CCDC117: variants seen among roughly 807,000 people sequenced by gnomAD.
The protein encoded by CCDC117 is coiled-coil domain containing 117, also known as coiled-coil domain-containing protein 117.
A neutral mutation model predicts 23.5 loss-of-function variants in CCDC117; 1 was observed. The observed-to-expected ratio is 0.04, with a 90% CI of 0.02 to 0.20. The LOEUF (loss-of-function observed/expected upper bound fraction) is 0.20, where lower values mean the gene tolerates loss of function less well. Ranked by LOEUF, CCDC117 falls within the 10% of genes least tolerant of loss-of-function variation. The pLI is 1.00. For synonymous variants in CCDC117, 132 were observed against 124.8 expected (o/e 1.06, Z -0.39); for missense variants, 383 against 348.2 (o/e 1.10, Z -0.80).
chr22:28,773,836 T>C (rs1010560099), intron 2 of CCDC117, 58 bp downstream of exon 2: 13 of 1,296,182 alleles, frequency 1.0e-5, no homozygotes, highest in African/African-American at 7.3e-5. Flanking sequence ...ACCCCTGTTA[T>C]AGTCTAAATT....
chr22:28,773,062 A>C, intron 1 of CCDC117, 28 bp downstream of exon 1: 3 of 597,768 alleles, frequency 5.0e-6, no homozygotes, highest in Non-Finnish European at 2.2e-6. Flanking sequence ...CGCAGGGCGC[A>C]GGGCGGGCGG....
At chr22:28,783,334 C>A (rs1388147220) in intron 3 of CCDC117, among the ~76,000 whole-genome samples, 174 bp from the exon 4 acceptor site, 4 of 152,160 alleles carry the variant, frequency 2.6e-5, no homozygotes, top group Non-Finnish European at 5.9e-5. Flanking sequence ...AGCCACCACA[C>A]CCGGCCTGAG....
chr22:28,773,064 GGCGGGCGGGC>G (rs2031040178), intron 1 of CCDC117, 30 bp downstream of exon 1: 1 of 449,274 alleles, frequency 2.2e-6, no homozygotes, highest in Non-Finnish European at 2.5e-6. Flanking sequence ...CAGGGCGCAG[GGCGGGCGGGC>G]GGGCGGGCAG....
At chr22:28,778,289 A>G (rs142648753) in intron 2 of CCDC117, among the ~76,000 whole-genome samples, 107 of 152,228 alleles carry the variant, frequency 7.0e-4, no homozygotes, top group Non-Finnish European at 1.1e-3. Flanking sequence ...TTCATAAAAC[A>G]TTAAATTTGA....
chr22:28,780,979 G>T lies in CCDC117; in HGVS notation c.271G>T (p.Ala91Ser). ...AGTAAGAAAGAAAAGGATAACTGAA[G>T]CAGAGCTCTGTGCTGGTCCTAATGA... ...CPVRKKRITE[A>S]ELCAGPNDWI... Residue 91 changes from alanine to serine, a missense_variant, in exon 3 of 5, where the codon GCA becomes TCA. Coordinates refer to ENST00000249064, the MANE Select transcript of CCDC117 (RefSeq NM_173510.4). The T allele has an allele frequency of 6.2e-7, 1 of 1,613,802 alleles. No homozygotes were observed. Among genetic ancestry groups the T allele is most frequent in the Non-Finnish European group, 8.5e-7 (1 of 1,179,796 alleles).
chr22:28,780,498 C>G (rs1758165867), intron 2 of CCDC117, among the ~76,000 whole-genome samples: 1 of 152,074 alleles, frequency 6.6e-6, no homozygotes, highest in Non-Finnish European at 1.5e-5. Context: ...TTCATTCATT[C>G]ATTCATGGTT....
chr22:28,772,814 C>G lies in CCDC117; in HGVS notation c.-36C>G, dbSNP rs549909150. The G allele has an allele frequency of 5.7e-6, 7 of 1,219,456 alleles. No individual in the cohort carries two copies. Among genetic ancestry groups the G allele is most frequent in the Non-Finnish European group, 7.1e-6 (7 of 979,560 alleles). The allele number at this position is 1,219,456 out of a possible 1,614,324, so 75.5% of individuals were successfully genotyped here. On this transcript the variant is annotated 5_prime_UTR_variant, in exon 1 of 5. Coordinates refer to ENST00000249064, the MANE Select transcript of CCDC117 (RefSeq NM_173510.4). ...TGCCGGGCCTGGGGACGCGGGCGGC[C>G]GAGGCCGCCGTCGCAGCCTCCTCGT...
chr22:28,782,563 T>G (rs1445974757), intron 3 of CCDC117, among the ~76,000 whole-genome samples: 1 of 152,120 alleles, frequency 6.6e-6, no homozygotes, highest in Non-Finnish European at 1.5e-5. Flanking sequence ...CTCAATCTCC[T>G]GAGTAGCTGG....
In CCDC117 at chr22:28,776,831, G is replaced by A. The variant is rs528669307; in HGVS notation, c.239+3053G>A. ...ACTTCCGACTTCGGATGATCCTCTC[G>A]CCTTGGCCTCCCAAAGTGCTGGGAT... On this transcript the variant is annotated intron_variant, in intron 2 of 4. Coordinates refer to ENST00000249064, the MANE Select transcript of CCDC117 (RefSeq NM_173510.4). Among the ~76,000 whole-genome samples the A allele has an allele frequency of 9.9e-5, 15 of 152,208 alleles. 1 individual carries two copies. In the South Asian group the frequency reaches 1.2e-3, roughly 13 times the overall value.
chr22:28,785,052 GA>G (rs2031469052), intron 4 of CCDC117, among the ~76,000 whole-genome samples: 1 of 152,162 alleles, frequency 6.6e-6, no homozygotes, highest in Non-Finnish European at 1.5e-5. Context: ...TTACAGGCGT[GA>G]GCCACCGCGC....
rs2031575116 is a variant in CCDC117 at position 28,788,266 on chromosome 22, G to A, written c.*1940G>A. 1 of 152,542 alleles carries A rather than the reference G, an allele frequency of 6.6e-6. No individual in the cohort carries two copies. The highest frequency in any genetic ancestry group is 1.5e-5 in the Non-Finnish European group (1 of 68,024). 9.4% of individuals were successfully genotyped at this position (152,542 alleles called of 1,614,324 possible). ...TCTGCCTTGTAGTCATTGTTTGATG[G>A]GACCAACTTGTAAAGTATGAGCCTT... is the stretch of plus-strand genomic sequence containing the variant. On this transcript the variant is annotated 3_prime_UTR_variant, in exon 5 of 5. Coordinates refer to ENST00000249064, the MANE Select transcript of CCDC117 (RefSeq NM_173510.4).
At chr22:28,779,835 G>A (rs5997402) in intron 2 of CCDC117, among the ~76,000 whole-genome samples, 60 of 152,284 alleles carry the variant, frequency 3.9e-4, no homozygotes, top group African/African-American at 1.4e-3. Flanking sequence ...CTGTATTCTG[G>A]CCTTGAGACT....
At chr22:28,785,162 G>T (rs1054549810) in intron 4 of CCDC117, among the ~76,000 whole-genome samples, 4 of 148,634 alleles carry the variant, frequency 2.7e-5, no homozygotes, top group Non-Finnish European at 5.9e-5. Flanking sequence ...TAGTCATTTT[G>T]CCTTAACCAT....
Position 28,786,114 on chromosome 22 carries a change from C to T in CCDC117, c.628C>T (p.Leu210Phe). 2 of 1,612,722 alleles carry T rather than the reference C, an allele frequency of 1.2e-6. No individual in the cohort carries two copies. The highest frequency in any genetic ancestry group is 1.7e-6 in the Non-Finnish European group (2 of 1,179,658). The change falls in exon 5 of 5, where the codon CTC (leucine) becomes TTC (phenylalanine). Residue 210 changes from leucine (L) to phenylalanine (F), a missense_variant. By Grantham distance (22) the Leu-to-Phe change is conservative. Coordinates refer to ENST00000249064, the MANE Select transcript of CCDC117 (RefSeq NM_173510.4). ...GAGCCGTCCTTCCATGGAGCTTGTTCTCTGGAAACCCCTCCCTGAACTCCT... is the reference window on the plus strand; with the variant it reads ...GAGCCGTCCTTCCATGGAGCTTGTTTTCTGGAAACCCCTCCCTGAACTCCT... ...SMSRPSMELV[L>F]WKPLPELLSD...
intron 2 of CCDC117, among the ~76,000 whole-genome samples, chr22:28,780,560 A>C (rs1457490088): frequency 6.6e-6 from 1 of 152,160 alleles, no homozygotes; most frequent in Non-Finnish European, 1.5e-5. Context: ...TCTGGGCTCA[A>C]GTGATCTTCC....
intron 4 of CCDC117, among the ~76,000 whole-genome samples, chr22:28,784,325 T>C (rs964604490): frequency 6.6e-6 from 1 of 152,200 alleles, no homozygotes; most frequent in Non-Finnish European, 1.5e-5. Flanking sequence ...CTGGGGCCCC[T>C]GAGTAATGAT....
At position 28,776,109 on chromosome 22, in the gene CCDC117, A is replaced by G. The variant is rs181628874; in HGVS notation, c.239+2331A>G. Among the ~76,000 whole-genome samples the G allele has an allele frequency of 1.3e-3, 201 of 152,264 alleles. 1 individual carries two copies. Among genetic ancestry groups the G allele is most frequent in the African/African-American group, 4.6e-3 (191 of 41,558 alleles). On this transcript the variant is annotated intron_variant, in intron 2 of 4. Coordinates refer to ENST00000249064, the MANE Select transcript of CCDC117 (RefSeq NM_173510.4). ...ACCATTAGGATCATTAGGCATCCAC[A>G]TTAAAGTCCTGATTTGGCATCCGGT...
Position 28,773,048 on chromosome 22 carries a change from C to T in CCDC117, c.185+14C>T. 1 of 662,872 alleles carries T rather than the reference C, an allele frequency of 1.5e-6. No individual in the cohort carries two copies. Among genetic ancestry groups the T allele is most frequent in the Non-Finnish European group, 2.0e-6 (1 of 510,054 alleles). The allele number at this position is 662,872 out of a possible 1,614,324, so 41.1% of individuals were successfully genotyped here. ...GGCGCGCGGACGGTGAGGAGCCCGTCGGGCGCAGGGCGCAGGGCGGGCGGG... is the reference window on the plus strand; with the variant it reads ...GGCGCGCGGACGGTGAGGAGCCCGTTGGGCGCAGGGCGCAGGGCGGGCGGG... On this transcript the variant is annotated intron_variant, in intron 1 of 4. Transcript: ENST00000249064.
chr22:28,773,990 A>AT (rs755635380), intron 2 of CCDC117, among the ~76,000 whole-genome samples: 30 of 152,096 alleles, frequency 2.0e-4, no homozygotes, highest in Admixed American at 3.3e-4. Context: ...AAGTTGTAAT[A>AT]TTTGGATTTT....
Sources: allele counts gnomAD v4.1 joint callset (sites outside exome capture counted in the v4.1 genomes callset), GRCh38; gene constraint gnomAD v4.1.1; transcripts MANE v1.5; gene names NCBI Gene and HGNC (gene_info 2026-07-23, HGNC 2026-07-21).